The following TP53BP2 variants were observed in gnomAD, a reference collection of about 807,000 sequenced individuals.
The protein encoded by TP53BP2 is tumor protein p53 binding protein 2.
A neutral mutation model predicts 126.2 loss-of-function variants in TP53BP2; 62 were observed. That is an observed-to-expected ratio of 0.49 (90% CI 0.40 to 0.61). The LOEUF is 0.61. Among genes scored for constraint, TP53BP2 ranks in the 20% least tolerant of loss-of-function variants. The pLI is 0.00. For missense variants in TP53BP2, 1,215 were observed against 1,402.8 expected, an observed-to-expected ratio of 0.87 and a Z score of 2.14; for synonymous variants, 485 against 502.9, an observed-to-expected ratio of 0.96 and a Z score of 0.48.
intron 1 of TP53BP2, among the ~76,000 whole-genome samples, chr1:223,823,426 G>A (rs1161279842): frequency 6.6e-6 from 1 of 152,148 alleles, no homozygotes; most frequent in African/African-American, 2.4e-5. Flanking sequence ...AACCAAAGCT[G>A]TTAACTCACA....
In TP53BP2 at chr1:223,803,377, T is replaced by C. The variant is rs1462424886; in HGVS notation, c.725A>G (p.Glu242Gly). The change falls in exon 7 of 18, where the codon GAA (glutamate) becomes GGA (glycine). Residue 242 changes from glutamate to glycine, a missense_variant. Glu to Gly is a moderately conservative substitution (Grantham distance 98). This residue lies in a region of TP53BP2 where 814 missense variants were observed against 853.0 expected (regional missense o/e 0.95). Transcript: ENST00000343537. Reference sequence around the variant, plus strand: ...CATCTCTAGCTGCCTGGTCAGTTCTTCTACTTTTGACACAGCCAGGACGAG... The same window carrying C: ...CATCTCTAGCTGCCTGGTCAGTTCTCCTACTTTTGACACAGCCAGGACGAG... Reference protein sequence around the residue: ...RELVLAVSKVEELTRQLEMLK... With the variant: ...RELVLAVSKVGELTRQLEMLK... 3 of 1,613,952 alleles carry C rather than the reference T, an allele frequency of 1.9e-6. No homozygotes were observed. In the South Asian group the frequency reaches 3.3e-5, roughly 18 times the overall value.
In TP53BP2 at chr1:223,821,217, C is replaced by G; in HGVS notation, c.175+3G>C. ...AAAGCACGAGGCTGTCAGCGTCTCT[C>G]ACCAGAGCCACACCACACTTCAGCC... is the stretch of plus-strand genomic sequence containing the variant. On this transcript the variant is annotated splice_donor_region_variant and intron_variant, in intron 2 of 17. Transcript: ENST00000343537. 1.2e-6 allele frequency: 2 copies of G among 1,614,048 alleles called. No homozygotes were observed. The highest frequency in any genetic ancestry group is 1.7e-6 in the Non-Finnish European group (2 of 1,179,914).
chr1:223,821,404 T>C, intron 1 of TP53BP2, 37 bp from the exon 2 acceptor site: 2 of 1,613,340 alleles, frequency 1.2e-6, no homozygotes, highest in Non-Finnish European at 1.7e-6. Flanking sequence ...TTACTGGTAC[T>C]GTCTGCCTAA....
chr1:223,793,327 G>C lies in TP53BP2; in HGVS notation c.2838C>G (p.Asp946Glu). The change falls in exon 14 of 18, where the codon GAC (aspartate) becomes GAG (glutamate). Residue 946 changes from aspartate to glutamate, a missense_variant. By Grantham distance (45) the Asp-to-Glu change is conservative. Coordinates refer to ENST00000343537, the MANE Select transcript of TP53BP2 (RefSeq NM_001031685.3). ...LLDSSLEGEFDLVQRIIYEVD... is the reference protein window; with the variant it reads ...LLDSSLEGEFELVQRIIYEVD... The stretch of plus-strand genomic sequence containing the variant: ...CCTCATAAATAATTCTCTGTACAAG[G>C]TCAAATTCTCCCTCCAAAGACGAAT... The C allele has an allele frequency of 1.2e-6, 2 of 1,607,898 alleles. No homozygotes were observed. Among genetic ancestry groups the C allele is most frequent in the Non-Finnish European group, 1.7e-6 (2 of 1,177,738 alleles).
chr1:223,833,889 T>C (rs1571875893), intron 1 of TP53BP2, among the ~76,000 whole-genome samples: 1 of 152,170 alleles, frequency 6.6e-6, no homozygotes, highest in African/African-American at 2.4e-5. Flanking sequence ...ATGAGCATGG[T>C]ATATAAAGCG....
rs1662421733 is a variant in TP53BP2, at chr1:223,798,647, G to A, written c.1516C>T (p.Pro506Ser). The A allele has an allele frequency of 6.2e-7, 1 of 1,611,166 alleles. No individual in the cohort carries two copies. The highest frequency in any genetic ancestry group is 8.5e-7 in the Non-Finnish European group (1 of 1,178,536). ...VANKNVAKVP[P>S]PVPTKPKQIN... ...TGTTTTGGTTTTGTAGGAACAGGAG[G>A]TGGTACTTTAGCCACATTTTTATTT... is the stretch of plus-strand genomic sequence containing the variant. The change falls in exon 12 of 18, where the codon CCT (proline) becomes TCT (serine). Residue 506 changes from proline to serine, a missense_variant. Pro to Ser is a moderately conservative substitution (Grantham distance 74, BLOSUM62 -1). Around this residue, in one of 4 missense-constraint regions of TP53BP2, gnomAD observed 814 missense variants for 853.0 expected, o/e 0.95. Transcript: ENST00000343537.
chr1:223,829,065 A>C (rs1016183150), intron 1 of TP53BP2, among the ~76,000 whole-genome samples: 3 of 152,126 alleles, frequency 2.0e-5, no homozygotes, highest in Non-Finnish European at 4.4e-5. Flanking sequence ...GGTGGCTCAC[A>C]CCTATAATCC....
In TP53BP2 at chr1:223,798,482, G is replaced by C; in HGVS notation, c.1681C>G (p.Leu561Val). Residue 561 changes from leucine (L) to valine (V), a missense_variant, in exon 12 of 18, where the codon CTA becomes GTA. Around this residue, in one of 4 missense-constraint regions of TP53BP2, gnomAD observed 814 missense variants for 853.0 expected, o/e 0.95. Coordinates refer to ENST00000343537, the MANE Select transcript of TP53BP2 (RefSeq NM_001031685.3). ...KPAGQQPRVL[L>V]SPSIPSVGQD... The stretch of plus-strand genomic sequence containing the variant: ...CCAACCGAAGGTATGCTGGGAGATA[G>C]CAGCACTCTCGGCTGCTGCCCTGCT... The C allele has an allele frequency of 6.2e-7, 1 of 1,614,196 alleles. No individual in the cohort carries two copies. The highest frequency in any genetic ancestry group is 1.3e-5 in the African/African-American group (1 of 75,052).
chr1:223,812,809 G>T (rs762187698), intron 3 of TP53BP2, among the ~76,000 whole-genome samples: 2 of 151,978 alleles, frequency 1.3e-5, no homozygotes, highest in Non-Finnish European at 2.9e-5. Context: ...TGATCCTCCC[G>T]CCTCGTCCTC....
rs1221934752 is a variant in TP53BP2, at chr1:223,799,884, G to T, written c.1485+15C>A. On this transcript the variant is annotated intron_variant, in intron 11 of 17. Transcript: ENST00000343537. ...ATTACTATTAAATTTTAAAAACCAG[G>T]ATATTTGTAGGTACCTGAGCATCCC... is the stretch of plus-strand genomic sequence containing the variant. 1 of 1,561,206 alleles carries T rather than the reference G, an allele frequency of 6.4e-7. No individual in the cohort carries two copies. The highest frequency in any genetic ancestry group is 1.4e-5 in the African/African-American group (1 of 72,222).
At chr1:223,836,775 A>C (rs1663937348) in intron 1 of TP53BP2, among the ~76,000 whole-genome samples, 1 of 152,088 alleles carries the variant, frequency 6.6e-6, no homozygotes, top group Admixed American at 6.5e-5. Context: ...AATGGAGAAG[A>C]GGGATCTGTG....
intron 1 of TP53BP2, among the ~76,000 whole-genome samples, chr1:223,840,693 T>C (rs1664073806): frequency 6.6e-6 from 1 of 152,214 alleles, no homozygotes. Context: ...AGTTTTGTTT[T>C]ATTGTCTGCT....
chr1:223,804,879 A>T (rs7533551), intron 5 of TP53BP2, among the ~76,000 whole-genome samples: 1 of 152,094 alleles, frequency 6.6e-6, no homozygotes, highest in Admixed American at 6.5e-5. Flanking sequence ...GATTAAATGA[A>T]GTGTGAAATG....
Position 223,803,050 on chromosome 1 carries a change from C to A in TP53BP2, c.832-155G>T, listed in dbSNP as rs559640604. ...TCTCATGGTTTAAAATTAAGTGACA[C>A]CTGTGCAAGACCACCAGCTGTGGTT... On this transcript the variant is annotated intron_variant, in intron 7 of 17. Transcript: ENST00000343537. The A allele has an allele frequency of 3.8e-5, 35 of 919,178 alleles. 1 individual carries two copies. The highest frequency in any genetic ancestry group is 5.5e-5 in the Non-Finnish European group (34 of 622,368). The allele number at this position is 919,178 out of a possible 1,614,324, so 56.9% of individuals were successfully genotyped here.
chr1:223,835,494 T>C lies in TP53BP2; in HGVS notation c.27+10160A>G, dbSNP rs977412373. Among the ~76,000 whole-genome samples, 3 of 152,370 alleles carry C rather than the reference T, an allele frequency of 2.0e-5. No homozygotes were observed. The South Asian group carries it at 6.2e-4, about 32-fold the overall frequency. On this transcript the variant is annotated intron_variant, in intron 1 of 17. Transcript: ENST00000343537. ...AGTCTTGTTTGCCAGGCATTCGTCT[T>C]ATTTTATGTAAAGGTACTGTTACAG...
intron 2 of TP53BP2, among the ~76,000 whole-genome samples, chr1:223,819,268 GA>G (rs1334276255): frequency 6.6e-6 from 1 of 151,998 alleles, no homozygotes; most frequent in Non-Finnish European, 1.5e-5. Context: ...AAGTGAGCAA[GA>G]GGAATAAGTG....
intron 1 of TP53BP2, among the ~76,000 whole-genome samples, chr1:223,837,155 A>AGGGGGGGGGG (rs139243545): frequency 1.3e-5 from 1 of 76,654 alleles, no homozygotes; most frequent in Non-Finnish European, 2.7e-5. Flanking sequence ...TAAAAAAAAA[A>AGGGGGGGGGG]GGGGGGGGGC....
chr1:223,804,054 TG>T, intron 6 of TP53BP2, 119 bp downstream of exon 6: 3 of 1,015,128 alleles, frequency 3.0e-6, no homozygotes, highest in Non-Finnish European at 4.4e-6. Context: ...GAGGCTGAGG[TG>T]GGAGGATCAC....
intron 1 of TP53BP2, among the ~76,000 whole-genome samples, chr1:223,841,823 A>G (rs140324007): frequency 1.9e-4 from 29 of 152,336 alleles, no homozygotes; most frequent in Non-Finnish European, 3.4e-4. Flanking sequence ...ATGCCTCTGC[A>G]GCACTGAAAG....
Sources: gnomAD v4.1 joint callset for allele counts (sites outside exome capture counted in the v4.1 genomes callset) on GRCh38, gnomAD v4.1.1 for gene constraint, gnomAD v4.1.1 regional missense constraint, MANE v1.5 for transcripts, NCBI Gene and HGNC (gene_info 2026-07-23, HGNC 2026-07-21) for gene names.